The following SMU1 variants were observed in gnomAD, a reference collection of about 807,000 sequenced individuals.
SMU1 encodes the protein WD40 repeat-containing protein SMU1.
SMU1 carries 2 observed loss-of-function variants against 62.0 expected under a neutral mutation model. The ratio of observed to expected loss-of-function variants is 0.03; its 90% confidence interval spans 0.01 to 0.10. SMU1 has a LOEUF of 0.10. Ranked by LOEUF, SMU1 falls within the 10% of genes least tolerant of loss-of-function variation. The pLI is 1.00. For synonymous variants in SMU1, 188 were observed against 212.4 expected (o/e 0.89, Z 1.00); for missense variants, 227 against 622.1 (o/e 0.36, Z 6.76).
At chr9:33,074,842 T>G (rs1839527713) in intron 1 of SMU1, among the ~76,000 whole-genome samples, 1 of 151,406 alleles carries the variant, frequency 6.6e-6, no homozygotes, top group Non-Finnish European at 1.5e-5. Flanking sequence ...GGCGTGATTG[T>G]GGCTGACTGC....
intron 4 of SMU1, among the ~76,000 whole-genome samples, chr9:33,063,368 A>C (rs78065954): frequency 0.013 from 1,969 of 152,328 alleles, 39 homozygotes; most frequent in African/African-American, 0.044. Flanking sequence ...CTCCAAAAAA[A>C]AAAGCCTAAT....
Position 33,064,292 on chromosome 9 carries a change from G to A in SMU1, c.502-2115C>T, listed in dbSNP as rs185123865. On this transcript the variant is annotated intron_variant, in intron 4 of 11. Coordinates refer to ENST00000397149, the MANE Select transcript of SMU1 (RefSeq NM_018225.3). ...TCTTTTCATCTTAAGTTCCGTTCTC[G>A]AGTGATGAAATCTGTTTACCTTTTC... 3.3e-5 allele frequency among the ~76,000 whole-genome samples: 5 copies of A among 152,224 alleles called. No homozygotes were observed. The East Asian group carries it at 7.7e-4, about 23-fold the overall frequency.
chr9:33,070,081 C>A (rs917607984), intron 3 of SMU1, among the ~76,000 whole-genome samples: 5 of 151,668 alleles, frequency 3.3e-5, no homozygotes, highest in Non-Finnish European at 7.4e-5. Context: ...GCCGAGATCA[C>A]GCCACTGCAC....
chr9:33,060,166 G>C (rs754463845), intron 6 of SMU1, among the ~76,000 whole-genome samples: 1 of 151,968 alleles, frequency 6.6e-6, no homozygotes, highest in Non-Finnish European at 1.5e-5. Context: ...ACACAAGCAT[G>C]CATGGTTAAT....
intron 9 of SMU1, among the ~76,000 whole-genome samples, chr9:33,054,905 C>T (rs933960390): frequency 6.6e-6 from 1 of 152,158 alleles, no homozygotes; most frequent in Admixed American, 6.5e-5. Flanking sequence ...GTCAGTGACA[C>T]GCTTTGCCCC....
chr9:33,052,909 A>G (rs1272752274), intron 10 of SMU1, among the ~76,000 whole-genome samples: 1 of 152,262 alleles, frequency 6.6e-6, no homozygotes, highest in Non-Finnish European at 1.5e-5. Context: ...GAAAGTGCTT[A>G]ATATACAAAC....
chr9:33,073,510 G>T, intron 2 of SMU1, 86 bp downstream of exon 2: 1 of 894,222 alleles, frequency 1.1e-6, no homozygotes, highest in Non-Finnish European at 1.8e-6. Flanking sequence ...TACCGTGCTT[G>T]AAGGAATGCT....
Position 33,043,027 on chromosome 9 carries a change from G to T in SMU1, c.*4266C>A, listed in dbSNP as rs933220743. ...ATTTTGTATCCTTAGTAGAGACAGG[G>T]TGTCACCATGTTGGCCAGGGTGGTC... On this transcript the variant is annotated 3_prime_UTR_variant, in exon 12 of 12. Transcript: ENST00000397149. The T allele has an allele frequency of 3.9e-5, 6 of 152,190 alleles. No homozygotes were observed. Among genetic ancestry groups the T allele is most frequent in the Admixed American group, 3.9e-4 (6 of 15,266 alleles). 9.4% of individuals were successfully genotyped at this position (152,190 alleles called of 1,614,324 possible).
At chr9:33,059,461 G>A (rs368824960) in intron 6 of SMU1, among the ~76,000 whole-genome samples, 5 of 151,242 alleles carry the variant, frequency 3.3e-5, no homozygotes, top group East Asian at 2.0e-4. Context: ...TTTTTTGCAC[G>A]TCCCTGTAAT....
rs34866457 is a variant in SMU1 at position 33,047,212 on chromosome 9, C to CAA, written c.*79_*80dup. The CAA allele has an allele frequency of 0.16, 102,016 of 635,192 alleles. 3,454 individuals carry two copies. Among genetic ancestry groups the CAA allele is most frequent in the Middle Eastern group, 0.2 (413 of 2,116 alleles). The allele number at this position is 635,192 out of a possible 1,614,324, so 39.3% of individuals were successfully genotyped here. On this transcript the variant is annotated 3_prime_UTR_variant, in exon 12 of 12. Transcript: ENST00000397149. The stretch of plus-strand genomic sequence containing the variant: ...CAATCTATTTGCTTAGAAAAGCTGG[C>CAA]AAAAAAAAAAAAAAGCACATTACAT...
chr9:33,060,672 C>T (rs1839352104), intron 5 of SMU1, 88 bp from the exon 6 acceptor site: 1 of 1,550,606 alleles, frequency 6.4e-7, no homozygotes, highest in Admixed American at 1.9e-5. Flanking sequence ...AAACCCTGCC[C>T]TAGCATAAAG....
At chr9:33,071,210 G>C (rs1839482464) in intron 3 of SMU1, among the ~76,000 whole-genome samples, 1 of 151,934 alleles carries the variant, frequency 6.6e-6, no homozygotes, top group Non-Finnish European at 1.5e-5. Context: ...AAGGCTGGGG[G>C]GGTGGGCAGG....
intron 1 of SMU1, 38 bp from the exon 2 acceptor site, chr9:33,073,844 C>G: frequency 6.3e-7 from 1 of 1,586,692 alleles, no homozygotes; most frequent in Non-Finnish European, 8.6e-7. Context: ...GGGATTCTCA[C>G]TCACCAGAGG....
rs1257954056 is a variant in SMU1, at chr9:33,042,574, C to A, written c.*4719G>T. On this transcript the variant is annotated 3_prime_UTR_variant, in exon 12 of 12. Transcript: ENST00000397149. ...AAATTAGCTTCTCAACTTTTTTGTA[C>A]GTACGGTACTGGTTCTTAACCTTGG... 4 of 152,162 alleles carry A rather than the reference C, an allele frequency of 2.6e-5. No individual in the cohort carries two copies. The highest frequency in any genetic ancestry group is 7.2e-5 in the African/African-American group (3 of 41,424). 9.4% of individuals were successfully genotyped at this position (152,162 alleles called of 1,614,324 possible). A position where few individuals can be genotyped will look rare whatever the true frequency, so the allele number is the denominator to read the frequency against.
At chr9:33,072,510 G>C (rs1422176372) in intron 2 of SMU1, among the ~76,000 whole-genome samples, 1 of 151,996 alleles carries the variant, frequency 6.6e-6, no homozygotes, top group East Asian at 1.9e-4. Context: ...AATTTTCTTT[G>C]GGAATTATTG....
intron 3 of SMU1, among the ~76,000 whole-genome samples, chr9:33,069,822 T>C (rs1350675428): frequency 2.0e-5 from 3 of 149,642 alleles, no homozygotes; most frequent in African/African-American, 7.4e-5. Context: ...AATAAACAAA[T>C]AAATAAATAA....
chr9:33,051,604 A>T (rs1413099596), intron 10 of SMU1, among the ~76,000 whole-genome samples: 1 of 152,208 alleles, frequency 6.6e-6, no homozygotes, highest in Non-Finnish European at 1.5e-5. Flanking sequence ...TTTCTGCTCA[A>T]TTTTGCTGTG....
rs1839131754 is a variant in SMU1 at position 33,042,032 on chromosome 9, ATAAT to A, written c.*5257_*5260del. On this transcript the variant is annotated 3_prime_UTR_variant, in exon 12 of 12. Transcript: ENST00000397149. ...CAATAGTGGTTGCGTAACATCGTAA[ATAAT>A]GCCACTGAATTGCACAATTGTTTAG... The A allele has an allele frequency of 6.6e-6, 1 of 152,396 alleles. No individual in the cohort carries two copies. The highest frequency in any genetic ancestry group is 1.5e-5 in the Non-Finnish European group (1 of 68,042). 9.4% of individuals were successfully genotyped at this position (152,396 alleles called of 1,614,324 possible). A position where few individuals can be genotyped will look rare whatever the true frequency, so the allele number is the denominator to read the frequency against.
At chr9:33,067,791 G>A (rs1430442566) in intron 4 of SMU1, among the ~76,000 whole-genome samples, 1 of 151,854 alleles carries the variant, frequency 6.6e-6, no homozygotes, top group Admixed American at 6.6e-5. Flanking sequence ...GGGCCACCAC[G>A]CCAGGCCAAA....
Sources: allele counts gnomAD v4.1 joint callset (sites outside exome capture counted in the v4.1 genomes callset), GRCh38; gene constraint gnomAD v4.1.1; transcripts MANE v1.5; gene names NCBI Gene and HGNC (gene_info 2026-07-23, HGNC 2026-07-21).